ENOX1: variants seen among roughly 807,000 people sequenced by gnomAD.
The protein encoded by ENOX1 is candidate growth-related and time keeping constitutive hydroquinone (NADH) oxidase.
In ENOX1, 42 loss-of-function variants were observed where a neutral mutation model predicts 82.5. The observed-to-expected ratio is 0.51, with a 90% confidence interval of 0.40 to 0.66. The LOEUF (loss-of-function observed/expected upper bound fraction) is 0.66, where lower values mean the gene tolerates loss of function less well. Among genes scored for constraint, ENOX1 ranks in the 30% least tolerant of loss-of-function variants. The pLI, the probability that ENOX1 is intolerant of heterozygous loss-of-function variation, is 0.00. For missense variants in ENOX1, 608 were observed against 811.6 expected (o/e 0.75, Z 3.05); for synonymous variants, 271 against 282.2 (o/e 0.96, Z 0.40).
intron 2 of ENOX1, among the ~76,000 whole-genome samples, chr13:43,509,531 A>G (rs549557119): frequency 6.6e-6 from 1 of 152,246 alleles, no homozygotes; most frequent in African/African-American, 2.4e-5. Context: ...CAGAATTGTC[A>G]CTTAAAATTT....
At position 43,356,083 on chromosome 13, in the gene ENOX1, T is replaced by C; in HGVS notation, c.659A>G (p.Gln220Arg). ...DSGRLHVDFA[Q>R]ARDDFYEWEC... ...CCACTCATAGAAGTCATCCCTGGCCTGGGCAAAGTCCACATGAAGGCGGCC... is the reference window on the plus strand; with the variant it reads ...CCACTCATAGAAGTCATCCCTGGCCCGGGCAAAGTCCACATGAAGGCGGCC... The change falls in exon 8 of 17, where the codon CAG becomes CGG. Residue 220 changes from glutamine to arginine, a missense_variant. Gln to Arg is a conservative substitution (Grantham distance 43). Transcript: ENST00000690772. 1 of 1,614,190 alleles carries C rather than the reference T, an allele frequency of 6.2e-7. No homozygotes were observed. Among genetic ancestry groups the C allele is most frequent in the Non-Finnish European group, 8.5e-7 (1 of 1,180,030 alleles).
In ENOX1 at chr13:43,227,663, C is replaced by A. The variant is rs184324012; in HGVS notation, c.1715-3525G>T. 8.0e-3 allele frequency among the ~76,000 whole-genome samples: 1,221 copies of A among 152,234 alleles called. 11 individuals carry two copies. The highest frequency in any genetic ancestry group is 0.012 in the Non-Finnish European group (790 of 68,008). ...TTTTGCTCATAACTAAGGGGAAAAT[C>A]AGATTCTAAAATCAGATTAGAAGTC... is the stretch of plus-strand genomic sequence containing the variant. On this transcript the variant is annotated intron_variant, in intron 15 of 16. Transcript: ENST00000690772.
chr13:43,292,531 CAGTTCTCTGGAGCACTACCTTCTGA>C (rs1056889734), intron 12 of ENOX1, among the ~76,000 whole-genome samples: 13 of 152,190 alleles, frequency 8.5e-5, no homozygotes, highest in African/African-American at 3.1e-4. Context: ...TGCATTTGCT[CAGTTCTCTGGAGCACTACCTTCTGA>C]AGTTGGCTGG....
chr13:43,536,182 T>C (rs1382050422), intron 2 of ENOX1, among the ~76,000 whole-genome samples: 1 of 152,242 alleles, frequency 6.6e-6, no homozygotes, highest in Middle Eastern at 3.2e-3. Context: ...AATCATGTTT[T>C]AATTGCTATA....
At chr13:43,722,785 G>A (rs1221830214) in intron 1 of ENOX1, among the ~76,000 whole-genome samples, 8 of 151,916 alleles carry the variant, frequency 5.3e-5, no homozygotes, top group Non-Finnish European at 7.4e-5. Context: ...ACCTTCCACT[G>A]AATTCAAAGT....
chr13:43,449,598 GC>G (rs2056848193), intron 3 of ENOX1, among the ~76,000 whole-genome samples: 1 of 151,680 alleles, frequency 6.6e-6, no homozygotes. Flanking sequence ...CTTTCATAAG[GC>G]AAAAGTTCAT....
At chr13:43,705,606 G>A (rs1295094259) in intron 1 of ENOX1, among the ~76,000 whole-genome samples, 3 of 151,936 alleles carry the variant, frequency 2.0e-5, no homozygotes, top group African/African-American at 7.2e-5. Context: ...ATAATGACAA[G>A]GGGGTGTTAC....
intron 1 of ENOX1, among the ~76,000 whole-genome samples, chr13:43,727,908 T>C (rs2153820829): frequency 6.6e-6 from 1 of 152,312 alleles, no homozygotes; most frequent in South Asian, 2.1e-4. Context: ...TTAACACATC[T>C]GGTATAAACA....
In ENOX1 at chr13:43,359,953, C is replaced by G. The variant is rs552078630; in HGVS notation, c.487G>C (p.Glu163Gln). The G allele has an allele frequency of 4.3e-6, 7 of 1,614,190 alleles. No individual in the cohort carries two copies. The highest frequency in any genetic ancestry group is 5.9e-6 in the Non-Finnish European group (7 of 1,180,018). The change falls in exon 7 of 17, where the codon GAA becomes CAA. Residue 163 changes from glutamate to glutamine, a missense_variant. Coordinates refer to ENST00000690772, the MANE Select transcript of ENOX1 (RefSeq NM_001347969.2). ...ATEEIIQEVFEQCGDITAIRK... is the reference protein window; with the variant it reads ...ATEEIIQEVFQQCGDITAIRK... ...ATTGCTGTAATATCACCGCACTGTT[C>G]AAAGACTTCTTGAATAATTTCCTCA...
intron 5 of ENOX1, among the ~76,000 whole-genome samples, chr13:43,396,377 T>A (rs1180611142): frequency 6.6e-6 from 1 of 152,116 alleles, no homozygotes; most frequent in Admixed American, 6.5e-5. Context: ...CCAAAAAGAT[T>A]ACCTTAATTT....
At chr13:43,748,016 C>A (rs908779976) in intron 1 of ENOX1, among the ~76,000 whole-genome samples, 4 of 152,180 alleles carry the variant, frequency 2.6e-5, no homozygotes, top group Non-Finnish European at 5.9e-5. Flanking sequence ...CACTGCAATT[C>A]TTGTTATCTC....
At chr13:43,323,130 C>CGTGT (rs2047910001) in intron 10 of ENOX1, among the ~76,000 whole-genome samples, 1 of 152,172 alleles carries the variant, frequency 6.6e-6, no homozygotes, top group Non-Finnish European at 1.5e-5. Context: ...TGTATGTGCC[C>CGTGT]ATGTGTGATC....
chr13:43,615,558 G>C (rs1472446128), intron 2 of ENOX1, among the ~76,000 whole-genome samples: 1 of 152,034 alleles, frequency 6.6e-6, no homozygotes, highest in Non-Finnish European at 1.5e-5. Context: ...AACCATGCCT[G>C]ATCTAATTAA....
intron 2 of ENOX1, among the ~76,000 whole-genome samples, chr13:43,595,290 T>C (rs2081414956): frequency 6.6e-6 from 1 of 152,132 alleles, no homozygotes; most frequent in African/African-American, 2.4e-5. Context: ...TCTTTTTCTT[T>C]GGTGTCTCCT....
At chr13:43,382,506 G>C (rs1243295430) in intron 5 of ENOX1, among the ~76,000 whole-genome samples, 2 of 152,128 alleles carry the variant, frequency 1.3e-5, no homozygotes, top group Non-Finnish European at 2.9e-5. Flanking sequence ...TATATTGAGT[G>C]AAAGAAACCA....
rs530655365 is a variant in ENOX1, at chr13:43,266,797, T to C, written c.1555-1343A>G. Among the ~76,000 whole-genome samples the C allele has an allele frequency of 5.3e-4, 80 of 152,298 alleles. 1 individual carries two copies. The highest frequency in any genetic ancestry group is 1.6e-3 in the Admixed American group (25 of 15,298). On this transcript the variant is annotated intron_variant, in intron 13 of 16. Transcript: ENST00000690772. ...TAGGTATCCCTCATCTTCATCAACC[T>C]CTCTGCTCATCCCACCTTAGGTCCT...
intron 2 of ENOX1, among the ~76,000 whole-genome samples, chr13:43,630,938 TGTG>T (rs2083190422): frequency 9.0e-6 from 1 of 110,996 alleles, no homozygotes; most frequent in South Asian, 3.6e-4. Flanking sequence ...TGTGTTTGTG[TGTG>T]TGTGTGTGTA....
intron 5 of ENOX1, among the ~76,000 whole-genome samples, chr13:43,364,275 A>C (rs1566610121): frequency 6.6e-6 from 1 of 152,216 alleles, no homozygotes; most frequent in Non-Finnish European, 1.5e-5. Flanking sequence ...TGTTAGGAAA[A>C]GCTGCCCCTG....
chr13:43,248,568 A>G lies in ENOX1; in HGVS notation c.1612-11830T>C, dbSNP rs552320366. Among the ~76,000 whole-genome samples, 43 of 151,936 alleles carry G rather than the reference A, an allele frequency of 2.8e-4. 1 individual carries two copies. The highest frequency in any genetic ancestry group is 5.0e-4 in the Non-Finnish European group (34 of 67,982). On this transcript the variant is annotated intron_variant, in intron 14 of 16. Transcript: ENST00000690772. ...GTATTAACTTTTAATTTTTTTGGAGACCAAACCATAAGCTTATAACCTTTT... is the reference window on the plus strand; with the variant it reads ...GTATTAACTTTTAATTTTTTTGGAGGCCAAACCATAAGCTTATAACCTTTT...
Sources: allele counts gnomAD v4.1 joint callset (sites outside exome capture counted in the v4.1 genomes callset), GRCh38; gene constraint gnomAD v4.1.1; transcripts MANE v1.5; gene names NCBI Gene and HGNC (gene_info 2026-07-23, HGNC 2026-07-21).